BRF1: variants seen among roughly 807,000 people sequenced by gnomAD.
BRF1 encodes BRF1 general transcription factor IIIB subunit.
A neutral mutation model predicts 81.7 loss-of-function variants in BRF1; 59 were observed. The observed-to-expected ratio is 0.72, with a 90% CI of 0.59 to 0.90. BRF1 has a LOEUF of 0.90. BRF1 is among the 40% of genes least tolerant of loss of function. The pLI is 0.00. For missense variants in BRF1, 1,050 were observed against 936.3 expected (o/e 1.12, Z -1.58); for synonymous variants, 491 against 395.6 (o/e 1.24, Z -2.86).
chr14:105,228,162 G>T (rs587663107), intron 7 of BRF1: 1 of 152,246 alleles, frequency 6.6e-6, no homozygotes, highest in Non-Finnish European at 1.5e-5. Context: ...AGTCCAGGAC[G>T]GGCCACAGCA....
chr14:105,255,311 A>C (rs1196173388), intron 4 of BRF1, among the ~76,000 whole-genome samples: 1 of 152,282 alleles, frequency 6.6e-6, no homozygotes, highest in East Asian at 1.9e-4. Flanking sequence ...CAATTCCAGC[A>C]GACTATTTTT....
intron 1 of BRF1, among the ~76,000 whole-genome samples, chr14:105,287,114 G>A (rs940395985): frequency 6.6e-5 from 10 of 152,206 alleles, no homozygotes; most frequent in African/African-American, 2.4e-4. Flanking sequence ...TGAACCTGCT[G>A]GACACTCTAC....
intron 9 of BRF1, 31 bp from the exon 10 acceptor site, chr14:105,226,192 G>A (rs1404792230): frequency 6.2e-7 from 1 of 1,613,884 alleles, no homozygotes; most frequent in East Asian, 2.2e-5. Flanking sequence ...CAAAAAGTCA[G>A]CATAAAATCA....
intron 5 of BRF1, chr14:105,248,114 A>C: frequency 4.1e-6 from 4 of 985,482 alleles, no homozygotes; most frequent in Non-Finnish European, 4.8e-6. Context: ...GCCGGGAAAT[A>C]GCAGCGCCTG....
intron 3 of BRF1, among the ~76,000 whole-genome samples, chr14:105,263,744 C>A (rs762290658): frequency 6.6e-6 from 1 of 151,664 alleles, no homozygotes; most frequent in South Asian, 2.1e-4. Flanking sequence ...GCTAACACGG[C>A]GAAACCCTGT....
chr14:105,247,910 C>T (rs2055232844), intron 5 of BRF1: 1 of 985,514 alleles, frequency 1.0e-6, no homozygotes, highest in Non-Finnish European at 1.2e-6. Flanking sequence ...TAGCCCCAGG[C>T]CGGGAGGCTA....
chr14:105,218,737 C>G (rs917018667), intron 14 of BRF1, among the ~76,000 whole-genome samples: 5 of 152,228 alleles, frequency 3.3e-5, no homozygotes, highest in Non-Finnish European at 7.3e-5. Context: ...ACAGTCTGCC[C>G]CGGTGCTGCA....
Position 105,210,474 on chromosome 14 carries a change from G to C in BRF1, c.*77C>G. 2 of 1,550,880 alleles carry C rather than the reference G, an allele frequency of 1.3e-6. No individual in the cohort carries two copies. The highest frequency in any genetic ancestry group is 1.7e-4 in the Middle Eastern group (1 of 5,784). ...CTCGGCGCTGGGGCCTGCCTGCTGC[G>C]GTCCTGGAAGCCCGTCTGATGCTGA... On this transcript the variant is annotated 3_prime_UTR_variant, in exon 18 of 18. Transcript: ENST00000547530. The surrounding 1 kb of genome is among the most constrained non-coding windows in gnomAD (Gnocchi z 4.7).
intron 15 of BRF1, chr14:105,213,388 G>T (rs144150879): frequency 5.3e-5 from 8 of 151,620 alleles, no homozygotes; most frequent in African/African-American, 2.0e-4. Context: ...CTGAGACCCC[G>T]CTGGCTCAAG....
intron 1 of BRF1, chr14:105,314,623 G>A (rs977954750): frequency 3.5e-4 from 50 of 143,946 alleles, no homozygotes; most frequent in African/African-American, 1.2e-3. Context: ...CCGAGGCGGC[G>A]AGCTGGCGCC....
At chr14:105,246,943 T>A in intron 5 of BRF1, 1 of 985,452 alleles carries the variant, frequency 1.0e-6, no homozygotes, top group Non-Finnish European at 1.2e-6. Context: ...CTGTAAGTTA[T>A]TCCTTCTCAC....
Position 105,209,875 on chromosome 14 carries a change from A to G in BRF1, c.*676T>C, listed in dbSNP as rs1174652014. The G allele has an allele frequency of 2.5e-5, 11 of 442,750 alleles. No homozygotes were observed. The highest frequency in any genetic ancestry group is 3.2e-5 in the Non-Finnish European group (8 of 252,284). The allele number at this position is 442,750 out of a possible 1,614,324, so 27.4% of individuals were successfully genotyped here. On this transcript the variant is annotated 3_prime_UTR_variant, in exon 18 of 18. Transcript: ENST00000547530. ...CAAGTGGCCCTGGAGCAGGGGTCTG[A>G]CCCCCATGCTGCTCCAGGCGGTGCA...
intron 3 of BRF1, among the ~76,000 whole-genome samples, chr14:105,262,988 C>T (rs1219916090): frequency 6.6e-6 from 1 of 151,888 alleles, no homozygotes; most frequent in Non-Finnish European, 1.5e-5. Context: ...CGCCTGTAAT[C>T]CCAACACTTT....
At chr14:105,290,274 C>G (rs988129496) in intron 1 of BRF1, among the ~76,000 whole-genome samples, 3 of 151,972 alleles carry the variant, frequency 2.0e-5, no homozygotes, top group African/African-American at 7.3e-5. Context: ...ATGAAATTAC[C>G]CAGGCATGGT....
chr14:105,292,983 T>C (rs971691999), intron 1 of BRF1, among the ~76,000 whole-genome samples: 2 of 152,332 alleles, frequency 1.3e-5, no homozygotes, highest in African/African-American at 4.8e-5. Flanking sequence ...TGTGTCACGC[T>C]GCAGGCTAAC....
chr14:105,287,548 G>T (rs2140483389), intron 1 of BRF1, among the ~76,000 whole-genome samples: 2 of 152,344 alleles, frequency 1.3e-5, no homozygotes, highest in South Asian at 4.1e-4. Flanking sequence ...GAAGGCAAGT[G>T]TGTAGGGCCT....
chr14:105,280,163 T>C (rs2057009506), intron 2 of BRF1, among the ~76,000 whole-genome samples: 2 of 152,166 alleles, frequency 1.3e-5, no homozygotes, highest in African/African-American at 4.8e-5. Context: ...GGTGAAAGGA[T>C]AAATCAACTG....
At chr14:105,246,622 A>C (rs2140252526) in intron 5 of BRF1, among the ~76,000 whole-genome samples, 1 of 150,818 alleles carries the variant, frequency 6.6e-6, no homozygotes, top group East Asian at 2.0e-4. Flanking sequence ...GGTGCCCGTT[A>C]ATTTTTGTAT....
rs1046879936 is a variant in BRF1, at chr14:105,300,960, A to G, written c.-331T>C. On this transcript the variant is annotated 5_prime_UTR_variant, in exon 1 of 18. Transcript: ENST00000547530. ...ACCTGCGGGGGCTGGGCTTCGGCGG[A>G]ACCCGAGCGGGGCCTACCGGTGAGC... 2 of 154,578 alleles carry G rather than the reference A, an allele frequency of 1.3e-5. No homozygotes were observed. The highest frequency in any genetic ancestry group is 3.5e-3 in the Middle Eastern group (2 of 564). The allele number at this position is 154,578 out of a possible 1,614,324, so 9.6% of individuals were successfully genotyped here.
Sources: allele counts gnomAD v4.1 joint callset (sites outside exome capture counted in the v4.1 genomes callset), GRCh38; gene constraint gnomAD v4.1.1; non-coding constraint Gnocchi (gnomAD v3.1); transcripts MANE v1.5; gene names NCBI Gene and HGNC (gene_info 2026-07-23, HGNC 2026-07-21).